The following KNL1 variants were observed in gnomAD, a reference collection of about 807,000 sequenced individuals.
The protein encoded by KNL1 is kinetochore scaffold 1, also known as outer kinetochore KNL1 complex subunit KNL1.
A neutral mutation model predicts 201.3 loss-of-function variants in KNL1; 66 were observed. The observed-to-expected ratio is 0.33, with a 90% CI of 0.27 to 0.40. The LOEUF is 0.40. KNL1 is among the 10% of genes least tolerant of loss of function. The pLI is 1.00. For missense variants in KNL1, 2,815 were observed against 2,690.5 expected (o/e 1.05, Z -1.02); for synonymous variants, 895 against 899.2 (o/e 1.00, Z 0.08).
At position 40,624,971 on chromosome 15, in the gene KNL1, A is replaced by G. The variant is rs1567010548; in HGVS notation, c.4707A>G (p.Gly1569=). Residue 1569 remains glycine (G), a synonymous_variant, in exon 10 of 26, where the codon GGA becomes GGG. Coordinates refer to ENST00000399668, the MANE Select transcript of KNL1 (RefSeq NM_144508.5). The stretch of plus-strand genomic sequence containing the variant: ...TGAATAATTTGAATGGAAAAACTGG[A>G]GAGTTTTTAGCCTTTCAAACTGTTC... ...PNLNNLNGKT[G]EFLAFQTVHL... is the part of the protein sequence containing the mutation. The G allele has an allele frequency of 1.2e-6, 2 of 1,613,982 alleles. No individual in the cohort carries two copies. The highest frequency in any genetic ancestry group is 1.7e-6 in the Non-Finnish European group (2 of 1,179,950).
chr15:40,638,216 G>A (rs954824952), intron 13 of KNL1, among the ~76,000 whole-genome samples: 9 of 128,378 alleles, frequency 7.0e-5, no homozygotes, highest in Non-Finnish European at 1.5e-4. Flanking sequence ...GAGAGGGAGG[G>A]AGGAAAGGAA....
chr15:40,595,617 ACT>A (rs774037050), intron 1 of KNL1, among the ~76,000 whole-genome samples: 19 of 152,128 alleles, frequency 1.2e-4, no homozygotes, highest in Non-Finnish European at 2.5e-4. Context: ...AAAGATACTG[ACT>A]CTAGATATTG....
chr15:40,619,003 CAGA>C lies in KNL1; in HGVS notation c.370_372del (p.Lys124del). On this transcript the variant is annotated inframe_deletion, in exon 9 of 26. Transcript: ENST00000399668. ...TGCTCCCATTCATACCCAGATGCAA[CAGA>C]AGGAGGTATGAGTTCATGCAAATAC... 1 of 1,600,184 alleles carries C rather than the reference CAGA, an allele frequency of 6.2e-7. No homozygotes were observed. The highest frequency in any genetic ancestry group is 8.6e-7 in the Non-Finnish European group (1 of 1,168,342).
At chr15:40,649,448 A>C (rs901798765) in intron 17 of KNL1, among the ~76,000 whole-genome samples, 2 of 151,760 alleles carry the variant, frequency 1.3e-5, no homozygotes, top group East Asian at 1.9e-4. Context: ...GGCATGCACC[A>C]CCACCCCCAG....
chr15:40,615,697 G>A lies in KNL1; in HGVS notation c.322+319G>A, dbSNP rs550237388. The A allele has an allele frequency of 7.6e-5, 12 of 157,214 alleles. No individual in the cohort carries two copies. In the South Asian group the frequency reaches 1.7e-3, roughly 22 times the overall value. The allele number at this position is 157,214 out of a possible 1,614,324, so 9.7% of individuals were successfully genotyped here. On this transcript the variant is annotated intron_variant, in intron 8 of 25. Coordinates refer to ENST00000399668, the MANE Select transcript of KNL1 (RefSeq NM_144508.5). The stretch of plus-strand genomic sequence containing the variant: ...GGGGAATCGCTTGAACCCAGGAGGC[G>A]GAGATTGCAGTGAGCTGAGATCGCG...
In KNL1 at chr15:40,625,534, G is replaced by A; in HGVS notation, c.5270G>A (p.Cys1757Tyr). The A allele has an allele frequency of 6.2e-7, 1 of 1,608,550 alleles. No individual in the cohort carries two copies. The highest frequency in any genetic ancestry group is 1.1e-5 in the South Asian group (1 of 89,964). ...SPYENKMGKTCNSQKRTWVQE... is the reference protein window; with the variant it reads ...SPYENKMGKTYNSQKRTWVQE... The stretch of plus-strand genomic sequence containing the variant: ...TATGAAAATAAAATGGGAAAAACTT[G>A]CAATAGCCAAAAAAGAACGTGGGTA... The change falls in exon 10 of 26, where the codon TGC becomes TAC. Residue 1757 changes from cysteine (C) to tyrosine (Y), a missense_variant. Cys to Tyr is a radical substitution (Grantham distance 194). This residue lies in a region of KNL1 where 2,464 missense variants were observed against 2,291.7 expected (regional missense o/e 1.08). Coordinates refer to ENST00000399668, the MANE Select transcript of KNL1 (RefSeq NM_144508.5).
intron 24 of KNL1, among the ~76,000 whole-genome samples, chr15:40,658,413 C>G (rs1253962873): frequency 1.3e-5 from 2 of 150,954 alleles, no homozygotes; most frequent in South Asian, 2.1e-4. Flanking sequence ...CCTGTAATCC[C>G]AGCTGCTTGG....
At chr15:40,631,132 AAAAT>A (rs1892901194) in intron 13 of KNL1, among the ~76,000 whole-genome samples, 1 of 150,938 alleles carries the variant, frequency 6.6e-6, no homozygotes, top group Non-Finnish European at 1.5e-5. Context: ...AATAAAAATA[AAAAT>A]AAATAAAAAT....
chr15:40,634,146 G>T (rs549395640), intron 13 of KNL1, among the ~76,000 whole-genome samples: 1 of 152,164 alleles, frequency 6.6e-6, no homozygotes, highest in South Asian at 2.1e-4. Flanking sequence ...CTCTCTTACT[G>T]CCCAGGCTGG....
chr15:40,610,297 GGTAA>G lies in KNL1; in HGVS notation c.250+4_250+7del. On this transcript the variant is annotated splice_donor_variant and splice_donor_region_variant and intron_variant, in intron 6 of 25. Coordinates refer to ENST00000399668, the MANE Select transcript of KNL1 (RefSeq NM_144508.5). LOFTEE classifies it high-confidence loss of function. Reference sequence around the variant, plus strand: ...AATAGTGAGAAAGTCAGAAATGGAAGGTAAGTATGTTACTATAATTCCTGCTAAA... The same window carrying G: ...AATAGTGAGAAAGTCAGAAATGGAAGGTATGTTACTATAATTCCTGCTAAA... The G allele has an allele frequency of 2.7e-6, 4 of 1,468,554 alleles. No individual in the cohort carries two copies. The highest frequency in any genetic ancestry group is 3.8e-6 in the Non-Finnish European group (4 of 1,048,958). The allele number at this position is 1,468,554 out of a possible 1,614,324, so 91.0% of individuals were successfully genotyped here. A position where few individuals can be genotyped will look rare whatever the true frequency, so the allele number is the denominator to read the frequency against.
At position 40,618,967 on chromosome 15, in the gene KNL1, A is replaced by G. The variant is rs1318466683; in HGVS notation, c.331A>G (p.Thr111Ala). Residue 111 changes from threonine to alanine, a missense_variant, in exon 9 of 26, where the codon ACA becomes GCA. Around this residue, in one of 3 missense-constraint regions of KNL1, gnomAD observed 2,464 missense variants for 2,291.7 expected, o/e 1.08. Coordinates refer to ENST00000399668, the MANE Select transcript of KNL1 (RefSeq NM_144508.5). ...DNYCEITGMN[T>A]LLSAPIHTQM... ...TTCTTTTTTCTAAATAGGGATGAAC[A>G]CATTGCTTTCTGCTCCCATTCATAC... The G allele has an allele frequency of 3.7e-6, 6 of 1,606,962 alleles. No individual in the cohort carries two copies. The Admixed American group carries it at 8.3e-5, about 22-fold the overall frequency.
chr15:40,605,943 A>G (rs7171260), intron 3 of KNL1, among the ~76,000 whole-genome samples: 119,374 of 152,108 alleles, frequency 0.78, 47,834 homozygotes, highest in Non-Finnish European at 0.85. Flanking sequence ...AATTACTGTG[A>G]TACATCTAGC....
rs1893340854 is a variant in KNL1, at chr15:40,644,928, A to G, written c.5799-69A>G. The stretch of plus-strand genomic sequence containing the variant: ...GGAGTCTCTTACGTCTTTCCTTTCT[A>G]CATAGACACAGTAACAGTCTGATCT... On this transcript the variant is annotated intron_variant, in intron 14 of 25. Coordinates refer to ENST00000399668, the MANE Select transcript of KNL1 (RefSeq NM_144508.5). The G allele has an allele frequency of 5.8e-5, 55 of 955,328 alleles. No homozygotes were observed. In the East Asian group the frequency reaches 9.0e-4, roughly 16 times the overall value. The allele number at this position is 955,328 out of a possible 1,614,324, so 59.2% of individuals were successfully genotyped here.
At chr15:40,614,763 G>A (rs540549722) in intron 7 of KNL1, among the ~76,000 whole-genome samples, 23 of 152,274 alleles carry the variant, frequency 1.5e-4, no homozygotes, top group African/African-American at 5.3e-4. Flanking sequence ...CCAACATTTA[G>A]TGAACTCCCT....
intron 13 of KNL1, among the ~76,000 whole-genome samples, chr15:40,637,882 A>T (rs998748646): frequency 1.3e-5 from 2 of 152,024 alleles, no homozygotes; most frequent in Non-Finnish European, 2.9e-5. Context: ...TGAAAAAAAA[A>T]ATCCAAAATA....
chr15:40,624,125 T>C lies in KNL1; in HGVS notation c.3861T>C (p.Phe1287=), dbSNP rs940762175. 11 of 1,613,934 alleles carry C rather than the reference T, an allele frequency of 6.8e-6. No individual in the cohort carries two copies. The highest frequency in any genetic ancestry group is 9.3e-6 in the Non-Finnish European group (11 of 1,179,932). ...LNNRDRRNVD[F]TSSHATAVCG... ...ATAGAGATAGAAGAAATGTGGACTT[T>C]ACAAGTAGTCATGCAACTGCTGTTT... Residue 1287 remains phenylalanine, a synonymous_variant, in exon 10 of 26, where the codon TTT becomes TTC. Coordinates refer to ENST00000399668, the MANE Select transcript of KNL1 (RefSeq NM_144508.5).
At chr15:40,645,162 G>C (rs1462323336) in intron 15 of KNL1, 75 bp downstream of exon 15, 1 of 990,638 alleles carries the variant, frequency 1.0e-6, no homozygotes, top group Non-Finnish European at 1.6e-6. Flanking sequence ...ATGAGTAACT[G>C]TTACTTGGTC....
At position 40,625,530 on chromosome 15, in the gene KNL1, A is replaced by G; in HGVS notation, c.5266A>G (p.Thr1756Ala). The change falls in exon 10 of 26, where the codon ACT becomes GCT. Residue 1756 changes from threonine (T) to alanine (A), a missense_variant. By Grantham distance (58) the Thr-to-Ala change is moderately conservative. This residue lies in a region of KNL1 where 2,464 missense variants were observed against 2,291.7 expected (regional missense o/e 1.08). Transcript: ENST00000399668. ...ACCATATGAAAATAAAATGGGAAAA[A>G]CTTGCAATAGCCAAAAAAGAACGTG... ...ISPYENKMGK[T>A]CNSQKRTWVQ... The G allele has an allele frequency of 6.2e-7, 1 of 1,610,018 alleles. No homozygotes were observed. The highest frequency in any genetic ancestry group is 8.5e-7 in the Non-Finnish European group (1 of 1,179,070).
rs145268898 is a variant in KNL1, at chr15:40,651,878, A to G, written c.6315-127A>G. ...GTACATCCACAATATATGAATTGAA[A>G]TATTTTCTCCCAGTCCAGTGGAAAA... On this transcript the variant is annotated intron_variant, in intron 20 of 25. Coordinates refer to ENST00000399668, the MANE Select transcript of KNL1 (RefSeq NM_144508.5). 3.7e-5 allele frequency: 22 copies of G among 593,876 alleles called. No individual in the cohort carries two copies. The African/African-American group carries it at 3.7e-4, about 10-fold the overall frequency. 36.8% of individuals were successfully genotyped at this position (593,876 alleles called of 1,614,324 possible).
Sources: gnomAD v4.1 joint callset for allele counts (sites outside exome capture counted in the v4.1 genomes callset) on GRCh38, gnomAD v4.1.1 for gene constraint, gnomAD v4.1.1 regional missense constraint, MANE v1.5 for transcripts, NCBI Gene and HGNC (gene_info 2026-07-23, HGNC 2026-07-21) for gene names.